CHI3L2: variants seen among roughly 807,000 people sequenced by gnomAD.
The protein encoded by CHI3L2 is chitinase-3-like protein 2.
A neutral mutation model predicts 47.3 loss-of-function variants in CHI3L2; 47 were observed. That is an observed-to-expected ratio of 0.99 (90% CI 0.79 to 1.27). CHI3L2 has a LOEUF of 1.27. Among genes scored for constraint, CHI3L2 ranks in the 50% most tolerant of loss-of-function variants. The probability of loss-of-function intolerance (pLI) is 0.00; values close to 1 mark genes in which losing one functional copy is unlikely to be tolerated. For missense variants in CHI3L2, 497 were observed against 462.1 expected, an observed-to-expected ratio of 1.08 and a Z score of -0.69; for synonymous variants, 198 against 169.9, an observed-to-expected ratio of 1.17 and a Z score of -1.28.
chr1:111,238,599 G>A (rs907534118), intron 7 of CHI3L2, 151 bp from the exon 8 acceptor site: 1 of 692,492 alleles, frequency 1.4e-6, no homozygotes, highest in Non-Finnish European at 2.4e-6. Flanking sequence ...ATTACAACAA[G>A]CACTCTGGTC....
chr1:111,234,935 T>A lies in CHI3L2; in HGVS notation c.358T>A (p.Ser120Thr). 1 of 1,614,194 alleles carries A rather than the reference T, an allele frequency of 6.2e-7. No individual in the cohort carries two copies. Among genetic ancestry groups the A allele is most frequent in the Non-Finnish European group, 8.5e-7 (1 of 1,180,022 alleles). ...GFHPMVDSST[S>T]RLEFINSIIL... ...CCACCCTATGGTGGATTCTTCTACA[T>A]CACGCTTGGAATTCATTAACTCCAT... Residue 120 changes from serine (S) to threonine (T), a missense_variant, in exon 5 of 11, where the codon TCA becomes ACA. Physicochemically the swap from Ser to Thr is moderately conservative, Grantham distance 58. Coordinates refer to ENST00000369748, the MANE Select transcript of CHI3L2 (RefSeq NM_004000.3).
At chr1:111,243,092 T>C in intron 10 of CHI3L2, 125 bp from the exon 11 acceptor site, 1 of 448,154 alleles carries the variant, frequency 2.2e-6, no homozygotes. Flanking sequence ...CTAGAACCAT[T>C]TGAAAACTCC....
At chr1:111,231,078 A>T in intron 3 of CHI3L2, 135 bp downstream of exon 3, 1 of 964,922 alleles carries the variant, frequency 1.0e-6, no homozygotes, top group East Asian at 2.6e-5. Context: ...TCTGATCCTA[A>T]CTGTTCTCAC....
chr1:111,238,957 C>T (rs1399268360), intron 8 of CHI3L2, 25 bp downstream of exon 8: 1 of 1,548,620 alleles, frequency 6.5e-7, no homozygotes, highest in Non-Finnish European at 8.7e-7. Flanking sequence ...CCTGTACCCT[C>T]AGCTCCCTGC....
At chr1:111,228,857 G>A (rs1012589433) in intron 1 of CHI3L2, among the ~76,000 whole-genome samples, 1 of 152,246 alleles carries the variant, frequency 6.6e-6, no homozygotes, top group African/African-American at 2.4e-5. Flanking sequence ...AGGATCCAGG[G>A]GTCTGCTCTT....
At chr1:111,231,388 T>C in intron 4 of CHI3L2, 94 bp downstream of exon 4, 1 of 958,416 alleles carries the variant, frequency 1.0e-6, no homozygotes. Context: ...TAAACTAGGC[T>C]TTAAGAGGTT....
chr1:111,240,239 A>G (rs1660008007), intron 8 of CHI3L2, among the ~76,000 whole-genome samples: 2 of 152,190 alleles, frequency 1.3e-5, no homozygotes. Context: ...CTTGGCACCC[A>G]CCAAGGTACC....
In CHI3L2 at chr1:111,243,280, T is replaced by C; in HGVS notation, c.*66T>C. The C allele has an allele frequency of 2.2e-6, 1 of 456,012 alleles. No homozygotes were observed. The highest frequency in any genetic ancestry group is 1.5e-5 in the South Asian group (1 of 64,534). 28.2% of individuals were successfully genotyped at this position (456,012 alleles called of 1,614,324 possible). On this transcript the variant is annotated 3_prime_UTR_variant, in exon 11 of 11. Transcript: ENST00000369748. Reference sequence around the variant, plus strand: ...CCTGGGGCCTGCTCTCTCCCAGGAATTCTCATGTGGGATTCCCCTTGCCAG... The same window carrying C: ...CCTGGGGCCTGCTCTCTCCCAGGAACTCTCATGTGGGATTCCCCTTGCCAG...
In CHI3L2 at chr1:111,230,867, A is replaced by G. The variant is rs770482268; in HGVS notation, c.196A>G (p.Ile66Val). 4 of 1,614,194 alleles carry G rather than the reference A, an allele frequency of 2.5e-6. No individual in the cohort carries two copies. Among genetic ancestry groups the G allele is most frequent in the Non-Finnish European group, 3.4e-6 (4 of 1,180,034 alleles). Residue 66 changes from isoleucine (I) to valine (V), a missense_variant, in exon 3 of 11, where the codon ATC (isoleucine) becomes GTC (valine). By Grantham distance (29) the Ile-to-Val change is conservative (BLOSUM62 3). Coordinates refer to ENST00000369748, the MANE Select transcript of CHI3L2 (RefSeq NM_004000.3). ...TCATCTCATCTATTCATTCGCCAGC[A>G]TCGAAAACAACAAGGTTATCATCAA... ...CSHLIYSFASIENNKVIIKDK... is the reference protein window; with the variant it reads ...CSHLIYSFASVENNKVIIKDK...
In CHI3L2 at chr1:111,234,984, A is replaced by G; in HGVS notation, c.407A>G (p.Asn136Ser). The G allele has an allele frequency of 6.2e-7, 1 of 1,614,146 alleles. No individual in the cohort carries two copies. The highest frequency in any genetic ancestry group is 8.5e-7 in the Non-Finnish European group (1 of 1,180,016). Residue 136 changes from asparagine to serine, a missense_variant, in exon 5 of 11, where the codon AAC becomes AGC. Transcript: ENST00000369748. ...NSIILFLRNH[N>S]FDGLDVSWIY... ...ATAATCCTGTTTCTGAGGAACCATAACTTTGATGGACTGGATGTAAGCTGG... is the reference window on the plus strand; with the variant it reads ...ATAATCCTGTTTCTGAGGAACCATAGCTTTGATGGACTGGATGTAAGCTGG...
chr1:111,236,305 GAAGTGCT>G (rs1423526202), intron 7 of CHI3L2, 152 bp downstream of exon 7: 1 of 777,208 alleles, frequency 1.3e-6, no homozygotes, highest in Non-Finnish European at 2.0e-6. Context: ...GAGTGCAGGA[GAAGTGCT>G]TTGACCAGGC....
At chr1:111,229,332 C>T (rs980893403) in intron 1 of CHI3L2, among the ~76,000 whole-genome samples, 1 of 152,182 alleles carries the variant, frequency 6.6e-6, no homozygotes, top group Admixed American at 6.5e-5. Context: ...GAACATGTTT[C>T]TGCCTAGGAA....
At chr1:111,229,138 A>AC (rs1478816064) in intron 1 of CHI3L2, among the ~76,000 whole-genome samples, 1 of 152,170 alleles carries the variant, frequency 6.6e-6, no homozygotes, top group Non-Finnish European at 1.5e-5. Flanking sequence ...GTCTCATTGG[A>AC]CAATAAACTA....
At chr1:111,239,065 G>T in intron 8 of CHI3L2, 133 bp downstream of exon 8, 1 of 841,654 alleles carries the variant, frequency 1.2e-6, no homozygotes. Context: ...AACATGTGAG[G>T]GGATCTCCTA....
In CHI3L2 at chr1:111,238,804, A is replaced by T. The variant is rs745539496; in HGVS notation, c.790A>T (p.Met264Leu). ...HKGMPSEKVVMGIPTYGHSFT... is the reference protein window; with the variant it reads ...HKGMPSEKVVLGIPTYGHSFT... ...GGGAATGCCATCAGAGAAGGTGGTC[A>T]TGGGCATCCCCACATATGGGCACTC... The change falls in exon 8 of 11, where the codon ATG becomes TTG. Residue 264 changes from methionine to leucine, a missense_variant. Transcript: ENST00000369748. 1.9e-6 allele frequency: 3 copies of T among 1,614,128 alleles called. No homozygotes were observed. The East Asian group carries it at 6.7e-5, about 36-fold the overall frequency.
rs922230211 is a variant in CHI3L2, at chr1:111,243,215, A to T, written c.*3-2A>T. 2.2e-6 allele frequency: 1 copy of T among 455,912 alleles called. No homozygotes were observed. Among genetic ancestry groups the T allele is most frequent in the Admixed American group, 2.4e-5 (1 of 42,552 alleles). 28.2% of individuals were successfully genotyped at this position (455,912 alleles called of 1,614,324 possible). ...TTGAAATATTTTTCCTTTTGTTTCC[A>T]GGATTAACTTACAGAGAAGCAGGCA... On this transcript the variant is annotated splice_acceptor_variant, in intron 10 of 10. Transcript: ENST00000369748. LOFTEE classifies it low-confidence loss of function (3UTR_SPLICE).
At chr1:111,230,288 G>C (rs1169525809) in intron 2 of CHI3L2, among the ~76,000 whole-genome samples, 1 of 151,746 alleles carries the variant, frequency 6.6e-6, no homozygotes, top group Non-Finnish European at 1.5e-5. Context: ...GGGTCTCACT[G>C]TAAGGTCCAG....
chr1:111,229,980 A>G (rs997961492), intron 2 of CHI3L2, 99 bp downstream of exon 2: 1 of 1,337,492 alleles, frequency 7.5e-7, no homozygotes, highest in East Asian at 2.3e-5. Context: ...TTTTCTCTTG[A>G]TTACTCTCTC....
At chr1:111,233,186 A>C (rs1365260389) in intron 4 of CHI3L2, among the ~76,000 whole-genome samples, 2 of 152,288 alleles carry the variant, frequency 1.3e-5, no homozygotes, top group East Asian at 3.9e-4. Flanking sequence ...GTTCAGATGA[A>C]GCCCTTGAGG....
Sources: gnomAD v4.1 joint callset for allele counts (sites outside exome capture counted in the v4.1 genomes callset) on GRCh38, gnomAD v4.1.1 for gene constraint, MANE v1.5 for transcripts, NCBI Gene and HGNC (gene_info 2026-07-23, HGNC 2026-07-21) for gene names.